Variants in NFRKB observed in about 807,000 individuals in gnomAD.
The protein encoded by NFRKB is nuclear factor related to kappa-B-binding protein.
NFRKB carries 62 observed loss-of-function variants against 135.7 expected under a neutral mutation model. The observed-to-expected ratio is 0.46, with a 90% CI of 0.37 to 0.56. NFRKB has a LOEUF of 0.56. NFRKB is among the 20% of genes least tolerant of loss of function. The probability of loss-of-function intolerance (pLI) is 0.00; values close to 1 mark genes in which losing one functional copy is unlikely to be tolerated. For synonymous variants in NFRKB, 678 were observed against 635.6 expected, an observed-to-expected ratio of 1.07 and a Z score of -1.00; for missense variants, 1,545 against 1,662.0, an observed-to-expected ratio of 0.93 and a Z score of 1.22.
At chr11:129,866,759 GTGAAA>G (rs1204689941) in intron 24 of NFRKB, among the ~76,000 whole-genome samples, 4 of 152,140 alleles carry the variant, frequency 2.6e-5, no homozygotes, top group African/African-American at 9.7e-5. Context: ...TTTCTATGCA[GTGAAA>G]TCTTATGTAA....
intron 3 of NFRKB, among the ~76,000 whole-genome samples, chr11:129,891,889 C>A (rs1213005193): frequency 2.0e-5 from 3 of 152,162 alleles, no homozygotes; most frequent in African/African-American, 4.8e-5. Flanking sequence ...TATTAACTAA[C>A]AGATTTACTA....
intron 1 of NFRKB, among the ~76,000 whole-genome samples, chr11:129,894,980 T>G (rs1011772383): frequency 1.5e-4 from 23 of 152,304 alleles, no homozygotes; most frequent in African/African-American, 4.3e-4. Flanking sequence ...CTGACAACCT[T>G]TGCACTGCCA....
intron 23 of NFRKB, among the ~76,000 whole-genome samples, chr11:129,871,965 C>T (rs1948530852): frequency 6.6e-6 from 1 of 152,222 alleles, no homozygotes; most frequent in Non-Finnish European, 1.5e-5. Context: ...CAATGATTTT[C>T]CTCTCGTTCC....
At position 129,864,608 on chromosome 11, in the gene NFRKB, C is replaced by A. The variant is rs902809681; in HGVS notation, c.*117G>T. Reference sequence around the variant, plus strand: ...CGAATCCAGGCCACCGTTGCCATCACCCCTCGCCTGGCTGCCTTGAACAGG... The same window carrying A: ...CGAATCCAGGCCACCGTTGCCATCAACCCTCGCCTGGCTGCCTTGAACAGG... On this transcript the variant is annotated 3_prime_UTR_variant, in exon 27 of 27. Coordinates refer to ENST00000682444, the MANE Select transcript of NFRKB (RefSeq NM_001143835.2). The A allele has an allele frequency of 1.4e-6, 2 of 1,445,732 alleles. No homozygotes were observed. The highest frequency in any genetic ancestry group is 1.8e-5 in the Admixed American group (1 of 55,224). 89.6% of individuals were successfully genotyped at this position (1,445,732 alleles called of 1,614,324 possible). A position where few individuals can be genotyped will look rare whatever the true frequency, so the allele number is the denominator to read the frequency against.
intron 5 of NFRKB, among the ~76,000 whole-genome samples, 154 bp from the exon 6 acceptor site, chr11:129,885,763 C>A (rs180870363): frequency 6.6e-6 from 1 of 152,220 alleles, no homozygotes; most frequent in Non-Finnish European, 1.5e-5. Flanking sequence ...ATTAATATAT[C>A]CGAAGAATCT....
chr11:129,888,703 C>A lies in NFRKB; in HGVS notation c.228G>T (p.Gln76His). The change falls in exon 4 of 27, where the codon CAG (glutamine) becomes CAT (histidine). Residue 76 changes from glutamine to histidine, a missense_variant. By Grantham distance (24) the Gln-to-His change is conservative. This residue lies in a region of NFRKB where 678 missense variants were observed against 646.7 expected (regional missense o/e 1.05). Transcript: ENST00000682444. Reference protein sequence around the residue: ...QREHLQQFLPQFPEDSAEQQN... With the variant: ...QREHLQQFLPHFPEDSAEQQN... The stretch of plus-strand genomic sequence containing the variant: ...GCTGCTCAGCACTGTCTTCAGGAAA[C>A]TGGGGCAGAAACTGCTGGAGGTGTT... 1 of 1,614,186 alleles carries A rather than the reference C, an allele frequency of 6.2e-7. No homozygotes were observed. The highest frequency in any genetic ancestry group is 1.1e-5 in the South Asian group (1 of 91,084).
chr11:129,865,127 T>C (rs376296912), intron 25 of NFRKB, 26 bp from the exon 26 acceptor site: 102 of 1,597,364 alleles, frequency 6.4e-5, no homozygotes, highest in Non-Finnish European at 7.8e-5. Context: ...AGGGGTGAGA[T>C]ATAATGATAT....
chr11:129,883,062 G>T, intron 9 of NFRKB, 60 bp downstream of exon 9: 1 of 1,493,380 alleles, frequency 6.7e-7, no homozygotes, highest in Non-Finnish European at 9.3e-7. Flanking sequence ...CCATGTTATG[G>T]GCTCACGCAA....
intron 24 of NFRKB, 27 bp from the exon 25 acceptor site, chr11:129,866,010 G>C (rs766127804): frequency 3.2e-6 from 5 of 1,567,628 alleles, no homozygotes; most frequent in African/African-American, 1.4e-5. Flanking sequence ...GTCAGGTTTT[G>C]TAAGACAGGA....
intron 23 of NFRKB, 116 bp downstream of exon 23, chr11:129,872,768 T>G: frequency 9.4e-7 from 1 of 1,059,532 alleles, no homozygotes; most frequent in South Asian, 1.6e-5. Flanking sequence ...AAGCTGAGAG[T>G]CGAAGATGAC....
chr11:129,894,203 T>G (rs1949677155), intron 2 of NFRKB, 156 bp downstream of exon 2: 1 of 152,172 alleles, frequency 6.6e-6, no homozygotes, highest in African/African-American at 2.4e-5. Context: ...ACTCAATCAC[T>G]CTACCAACAT....
chr11:129,872,034 T>C (rs1389052336), intron 23 of NFRKB, among the ~76,000 whole-genome samples: 2 of 152,226 alleles, frequency 1.3e-5, no homozygotes, highest in East Asian at 3.9e-4. Context: ...TCGAATGTTT[T>C]ATCTCCCAAT....
chr11:129,884,183 T>TC (rs769537487), intron 7 of NFRKB, 40 bp from the exon 8 acceptor site: 2 of 1,576,200 alleles, frequency 1.3e-6, no homozygotes, highest in Non-Finnish European at 1.7e-6. Flanking sequence ...ATCATGATTC[T>TC]CCAATTTACA....
At chr11:129,875,487 GTC>G (rs771663125) in intron 17 of NFRKB, 24 bp from the exon 18 acceptor site, 26 of 1,557,558 alleles carry the variant, frequency 1.7e-5, no homozygotes, top group Non-Finnish European at 2.3e-5. Context: ...AAAGCACACA[GTC>G]CACAAGTCAG....
rs376035619 is a variant in NFRKB at position 129,876,759 on chromosome 11, C to T, written c.1709G>A (p.Arg570His). Residue 570 changes from arginine to histidine, a missense_variant, in exon 17 of 27, where the codon CGC (arginine) becomes CAC (histidine). Physicochemically the swap from Arg to His is conservative, Grantham distance 29 (BLOSUM62 0). This residue lies in a region of NFRKB where 114 missense variants were observed against 211.0 expected (regional missense o/e 0.54). Coordinates refer to ENST00000682444, the MANE Select transcript of NFRKB (RefSeq NM_001143835.2). ...LNKAREHSLL[R>H]SDRPAYVTIL... ...GGTGACGTAGGCAGGCCGGTCGGAGCGCAGCAGGGAGTGCTCCCGAGCCTT... is the reference window on the plus strand; with the variant it reads ...GGTGACGTAGGCAGGCCGGTCGGAGTGCAGCAGGGAGTGCTCCCGAGCCTT... 11 of 1,613,904 alleles carry T rather than the reference C, an allele frequency of 6.8e-6. No homozygotes were observed. Among genetic ancestry groups the T allele is most frequent in the East Asian group, 2.2e-5 (1 of 44,894 alleles).
chr11:129,881,948 T>C, intron 11 of NFRKB, 95 bp from the exon 12 acceptor site: 1 of 1,512,648 alleles, frequency 6.6e-7, no homozygotes, highest in Non-Finnish European at 8.9e-7. Context: ...ATGCATCCGG[T>C]GTTTGTCCGA....
rs970733377 is a variant in NFRKB, at chr11:129,882,311, T to G, written c.1083-117A>C. On this transcript the variant is annotated intron_variant, in intron 10 of 26. Transcript: ENST00000682444. ...GAGTTCAAGAAAGGAGCAAACAATA[T>G]ATTTTCCCAGCAGTATCCCTGGGAC... 3 of 1,345,516 alleles carry G rather than the reference T, an allele frequency of 2.2e-6. No homozygotes were observed. The African/African-American group carries it at 4.4e-5, about 20-fold the overall frequency. The allele number at this position is 1,345,516 out of a possible 1,614,324, so 83.3% of individuals were successfully genotyped here. A position where few individuals can be genotyped will look rare whatever the true frequency, so the allele number is the denominator to read the frequency against.
chr11:129,893,061 C>G, intron 2 of NFRKB, 191 bp from the exon 3 acceptor site: 2 of 1,428,076 alleles, frequency 1.4e-6, no homozygotes, highest in Non-Finnish European at 1.8e-6. Context: ...TCAAGTCTTA[C>G]CTGGAAGAGC....
At chr11:129,878,376 G>C in intron 14 of NFRKB, 21 bp from the exon 15 acceptor site, 1 of 1,614,044 alleles carries the variant, frequency 6.2e-7, no homozygotes, top group Non-Finnish European at 8.5e-7. Flanking sequence ...AGAAAACGTT[G>C]ACAGGTAAAT....
Sources: allele counts gnomAD v4.1 joint callset (sites outside exome capture counted in the v4.1 genomes callset), GRCh38; gene constraint gnomAD v4.1.1; regional missense constraint gnomAD v4.1.1; transcripts MANE v1.5; gene names NCBI Gene and HGNC (gene_info 2026-07-23, HGNC 2026-07-21).